Variants in MYO3A observed in about 807,000 individuals in gnomAD.
The protein encoded by MYO3A is myosin-IIIa.
A neutral mutation model predicts 192.7 loss-of-function variants in MYO3A; 180 were observed. The ratio of observed to expected loss-of-function variants is 0.93; its 90% confidence interval spans 0.83 to 1.06. MYO3A has a LOEUF of 1.06. Ranked by LOEUF, MYO3A falls within the 50% of genes least tolerant of loss-of-function variation. The pLI is 0.00. For synonymous variants in MYO3A, 628 were observed against 645.3 expected (o/e 0.97, Z 0.41); for missense variants, 1,896 against 1,905.0 (o/e 1.00, Z 0.09).
At chr10:26,084,694 A>G (rs1193294681) in intron 14 of MYO3A, among the ~76,000 whole-genome samples, 1 of 152,068 alleles carries the variant, frequency 6.6e-6, no homozygotes, top group African/African-American at 2.4e-5. Context: ...TGTACAGATG[A>G]GGTCTCACTT....
intron 4 of MYO3A, among the ~76,000 whole-genome samples, chr10:25,989,545 TCA>T (rs1157354621): frequency 8.5e-5 from 13 of 152,166 alleles, no homozygotes; most frequent in Non-Finnish European, 1.9e-4. Context: ...TAAATGTGCC[TCA>T]GTTTTTTCAT....
intron 10 of MYO3A, among the ~76,000 whole-genome samples, chr10:26,049,494 G>C (rs570646168): frequency 5.9e-5 from 9 of 152,240 alleles, no homozygotes; most frequent in South Asian, 2.1e-4. Flanking sequence ...TATGCTGATG[G>C]AAGGAGGAGG....
chr10:26,198,655 C>T (rs1269748796), intron 32 of MYO3A, among the ~76,000 whole-genome samples: 1 of 152,116 alleles, frequency 6.6e-6, no homozygotes, highest in Non-Finnish European at 1.5e-5. Flanking sequence ...AACGTTTTGT[C>T]ATAAAACATA....
chr10:25,979,304 A>T (rs1041071496), intron 4 of MYO3A, among the ~76,000 whole-genome samples: 25 of 152,156 alleles, frequency 1.6e-4, no homozygotes, highest in Non-Finnish European at 1.5e-5. Context: ...ACTTGTTTTT[A>T]AAAATCTAGT....
At chr10:26,144,270 A>G (rs1182988387) in intron 21 of MYO3A, among the ~76,000 whole-genome samples, 1 of 152,074 alleles carries the variant, frequency 6.6e-6, no homozygotes, top group Non-Finnish European at 1.5e-5. Context: ...AACGCAGAAC[A>G]TTGTGTTCCC....
intron 10 of MYO3A, among the ~76,000 whole-genome samples, chr10:26,058,944 T>A (rs1834296658): frequency 6.6e-6 from 1 of 151,384 alleles, no homozygotes; most frequent in Non-Finnish European, 1.5e-5. Flanking sequence ...CATTGGGGGG[T>A]GCAAATGTAA....
chr10:26,211,786 G>C, intron 34 of MYO3A, 57 bp from the exon 35 acceptor site: 1 of 1,609,400 alleles, frequency 6.2e-7, no homozygotes. Context: ...GGGGTAGGTG[G>C]GGACGCGCTG....
At chr10:26,072,810 A>T (rs1835292283) in intron 14 of MYO3A, among the ~76,000 whole-genome samples, 1 of 152,068 alleles carries the variant, frequency 6.6e-6, no homozygotes, top group Non-Finnish European at 1.5e-5. Context: ...AACAGTTTGG[A>T]TGTTTCTTAT....
chr10:26,149,159 A>G (rs1401464477), intron 23 of MYO3A, among the ~76,000 whole-genome samples: 1 of 151,502 alleles, frequency 6.6e-6, no homozygotes, highest in Non-Finnish European at 1.5e-5. Flanking sequence ...TCAGGGGAGA[A>G]GTTACTTTTT....
intron 23 of MYO3A, among the ~76,000 whole-genome samples, chr10:26,151,245 G>C (rs546197848): frequency 6.6e-6 from 1 of 151,934 alleles, no homozygotes; most frequent in Non-Finnish European, 1.5e-5. Context: ...TCTCTCTCCT[G>C]GTTCTATCAA....
chr10:26,109,360 A>G (rs1453577137), intron 17 of MYO3A, among the ~76,000 whole-genome samples: 2 of 152,188 alleles, frequency 1.3e-5, no homozygotes, highest in Non-Finnish European at 2.9e-5. Flanking sequence ...AAAATATTAA[A>G]CAGAAAATTC....
chr10:26,183,710 C>T (rs1345462811), intron 31 of MYO3A, among the ~76,000 whole-genome samples: 1 of 152,022 alleles, frequency 6.6e-6, no homozygotes, highest in Admixed American at 6.6e-5. Context: ...AGAAAGGCCA[C>T]GGGAGTGGTT....
chr10:26,092,833 G>A (rs1490649565), intron 15 of MYO3A, among the ~76,000 whole-genome samples: 1 of 152,236 alleles, frequency 6.6e-6, no homozygotes, highest in African/African-American at 2.4e-5. Context: ...ACATTAGCAA[G>A]TGTGGGATAC....
chr10:26,134,448 A>G (rs1037228080), intron 20 of MYO3A, among the ~76,000 whole-genome samples: 1 of 150,926 alleles, frequency 6.6e-6, no homozygotes, highest in Non-Finnish European at 1.5e-5. Context: ...ACAAGAGTTC[A>G]CGTTTTTACA....
At position 26,175,918 on chromosome 10, in the gene MYO3A, G is replaced by C. The variant is rs545475636; in HGVS notation, c.4294-783G>C. ...ACCCAGCAGGACAGCCGTGTTCTCAGAGCCAGGATGCGGACACGATAGAGG... is the reference window on the plus strand; with the variant it reads ...ACCCAGCAGGACAGCCGTGTTCTCACAGCCAGGATGCGGACACGATAGAGG... On this transcript the variant is annotated intron_variant, in intron 30 of 34. Transcript: ENST00000642920. 2.0e-5 allele frequency among the ~76,000 whole-genome samples: 3 copies of C among 152,292 alleles called. No homozygotes were observed. The South Asian group carries it at 6.2e-4, about 32-fold the overall frequency.
chr10:25,989,772 A>G (rs1363384138), intron 4 of MYO3A, among the ~76,000 whole-genome samples: 1 of 152,180 alleles, frequency 6.6e-6, no homozygotes, highest in Non-Finnish European at 1.5e-5. Context: ...CAGTTTTTCA[A>G]TTTGCTTTCA....
intron 32 of MYO3A, among the ~76,000 whole-genome samples, chr10:26,197,754 C>T (rs1057293463): frequency 4.6e-5 from 7 of 152,158 alleles, no homozygotes; most frequent in African/African-American, 9.7e-5. Context: ...TTAGTAAAGC[C>T]GGGATTTCAC....
At chr10:26,155,546 G>A (rs138712380) in intron 25 of MYO3A, among the ~76,000 whole-genome samples, 2 of 152,292 alleles carry the variant, frequency 1.3e-5, no homozygotes, top group East Asian at 3.9e-4. Context: ...ATGTGGAGGA[G>A]GTGGAGGAAA....
intron 14 of MYO3A, among the ~76,000 whole-genome samples, chr10:26,073,883 C>T (rs1328106468): frequency 1.3e-5 from 2 of 151,870 alleles, no homozygotes; most frequent in African/African-American, 4.8e-5. Flanking sequence ...AGGAATTATC[C>T]TATATGTAGA....
Sources: gnomAD v4.1 joint callset for allele counts (sites outside exome capture counted in the v4.1 genomes callset) on GRCh38, gnomAD v4.1.1 for gene constraint, MANE v1.5 for transcripts, NCBI Gene and HGNC (gene_info 2026-07-23, HGNC 2026-07-21) for gene names.